C11orf16: variants seen among roughly 807,000 people sequenced by gnomAD.
The protein encoded by C11orf16 is chromosome 11 open reading frame 16.
Under a neutral mutation model 45.1 loss-of-function variants are expected in C11orf16, and 38 were observed. The ratio of observed to expected loss-of-function variants is 0.84; its 90% CI spans 0.65 to 1.10. The LOEUF (loss-of-function observed/expected upper bound fraction) is 1.10. Ranked by LOEUF, C11orf16 falls within the 50% of genes least tolerant of loss-of-function variation. The pLI, the probability that C11orf16 is intolerant of heterozygous loss-of-function variation, is 0.00. For synonymous variants in C11orf16, 221 were observed against 222.0 expected, an observed-to-expected ratio of 1.00 and a Z score of 0.04; for missense variants, 583 against 569.5, an observed-to-expected ratio of 1.02 and a Z score of -0.24.
At chr11:8,922,438 C>A (rs2064581720) in intron 5 of C11orf16, among the ~76,000 whole-genome samples, 1 of 152,080 alleles carries the variant, frequency 6.6e-6, no homozygotes, top group Admixed American at 6.6e-5. Flanking sequence ...GAGGAATAGA[C>A]CAATCTAAAA....
chr11:8,929,585 C>A (rs371435915), intron 2 of C11orf16, 52 bp from the exon 3 acceptor site: 10 of 1,496,424 alleles, frequency 6.7e-6, no homozygotes, highest in Admixed American at 2.1e-5. Flanking sequence ...GCCCTAAACA[C>A]ATCAAGAAAC....
chr11:8,929,499 C>G lies in C11orf16; in HGVS notation c.202G>C (p.Asp68His). Residue 68 changes from aspartate (D) to histidine (H), a missense_variant, in exon 3 of 7, where the codon GAC becomes CAC. Physicochemically the swap from Asp to His is moderately conservative, Grantham distance 81 (BLOSUM62 -1). Coordinates refer to ENST00000326053, the MANE Select transcript of C11orf16 (RefSeq NM_020643.3). ...ASSCPCLHVA[D>H]PAWQGPGWLG... Reference sequence around the variant, plus strand: ...CAGCCAGGCCCCTGCCATGCTGGGTCGGCAACGTGGAGACATGGGCAAGAA... The same window carrying G: ...CAGCCAGGCCCCTGCCATGCTGGGTGGGCAACGTGGAGACATGGGCAAGAA... 9 of 1,613,814 alleles carry G rather than the reference C, an allele frequency of 5.6e-6. No individual in the cohort carries two copies. The highest frequency in any genetic ancestry group is 6.8e-6 in the Non-Finnish European group (8 of 1,179,922).
At chr11:8,929,569 C>A in intron 2 of C11orf16, 36 bp from the exon 3 acceptor site, 1 of 1,580,482 alleles carries the variant, frequency 6.3e-7, no homozygotes, top group Non-Finnish European at 8.6e-7. Flanking sequence ...GGATAGAGAG[C>A]AACAAGCCCT....
At chr11:8,931,676 C>A (rs1015709932) in intron 2 of C11orf16, among the ~76,000 whole-genome samples, 6 of 152,120 alleles carry the variant, frequency 3.9e-5, no homozygotes, top group Non-Finnish European at 5.9e-5. Flanking sequence ...AGGCATGAGC[C>A]ACCATGCCCA....
At chr11:8,921,548 A>C (rs772869130) in intron 5 of C11orf16, 33 bp from the exon 6 acceptor site, 1 of 1,585,720 alleles carries the variant, frequency 6.3e-7, no homozygotes, top group Non-Finnish European at 8.7e-7. Flanking sequence ...TAGGTTGAAT[A>C]TGCCACCATT....
Position 8,925,866 on chromosome 11 carries a change from G to A in C11orf16, c.801C>T (p.Leu267=). The A allele has an allele frequency of 2.5e-6, 4 of 1,614,232 alleles. No individual in the cohort carries two copies. Among genetic ancestry groups the A allele is most frequent in the Non-Finnish European group, 3.4e-6 (4 of 1,180,044 alleles). The change falls in exon 5 of 7, where the codon CTC becomes CTT. Residue 267 remains leucine, a synonymous_variant. Transcript: ENST00000326053. The stretch of plus-strand genomic sequence containing the variant: ...GCTGGCAGCAGGCATGATGGTGGCA[G>A]AGAGGGCACAGGAATGGAGCATCCG... The part of the protein sequence containing the change: ...LPPDAPFLCP[L]CHHHACCQLL...
Position 8,929,383 on chromosome 11 carries a change from A to T in C11orf16, c.318T>A (p.Thr106=). ...GFYYRAQIKA[T]PELERQGVLL... ...ACTGGGGTCAGGGACTTGCCTCGGG[A>T]GTGGCCTTTATTTGGGCCCGGTAGT... Residue 106 remains threonine, a synonymous_variant, in exon 3 of 7, where the codon ACT becomes ACA. Coordinates refer to ENST00000326053, the MANE Select transcript of C11orf16 (RefSeq NM_020643.3). The T allele has an allele frequency of 6.2e-7, 1 of 1,613,836 alleles. No individual in the cohort carries two copies. The highest frequency in any genetic ancestry group is 8.5e-7 in the Non-Finnish European group (1 of 1,179,838).
intron 5 of C11orf16, among the ~76,000 whole-genome samples, chr11:8,922,989 G>T (rs898944932): frequency 6.6e-6 from 1 of 152,194 alleles, no homozygotes; most frequent in African/African-American, 2.4e-5. Context: ...TCAGCCCCAG[G>T]AACTTTCCCT....
chr11:8,931,214 T>A (rs1486967650), intron 2 of C11orf16, among the ~76,000 whole-genome samples: 2 of 152,112 alleles, frequency 1.3e-5, no homozygotes, highest in Non-Finnish European at 2.9e-5. Flanking sequence ...AGTCTCTTTT[T>A]TTTTTTTTTT....
Position 8,925,942 on chromosome 11 carries a change from C to T in C11orf16, c.725G>A (p.Cys242Tyr). ...AGTGATTGGCCCTAGCAGAGAGCAG[C>T]AAGGGGCCCAGTGAAGGGGCCTGGG... ...EHPRPLHWAP[C>Y]CSLLGPITGR... Residue 242 changes from cysteine to tyrosine, a missense_variant, in exon 5 of 7, where the codon TGC becomes TAC. By Grantham distance (194) the Cys-to-Tyr change is radical (BLOSUM62 -2). Coordinates refer to ENST00000326053, the MANE Select transcript of C11orf16 (RefSeq NM_020643.3). 5 of 1,614,184 alleles carry T rather than the reference C, an allele frequency of 3.1e-6. No homozygotes were observed. The highest frequency in any genetic ancestry group is 2.5e-6 in the Non-Finnish European group (3 of 1,180,032).
At chr11:8,922,366 C>G (rs1367176400) in intron 5 of C11orf16, among the ~76,000 whole-genome samples, 1 of 141,470 alleles carries the variant, frequency 7.1e-6, no homozygotes, top group Non-Finnish European at 1.6e-5. Flanking sequence ...TAGTGAGACC[C>G]TGTCTCTAAA....
intron 5 of C11orf16, among the ~76,000 whole-genome samples, chr11:8,923,658 G>T (rs765256731): frequency 6.6e-6 from 1 of 151,964 alleles, no homozygotes; most frequent in African/African-American, 2.4e-5. Context: ...GTCTCGCTGT[G>T]TCGCCCAGGC....
rs538805626 is a variant in C11orf16, at chr11:8,920,189, C to G, written c.*284G>C. Reference sequence around the variant, plus strand: ...ACACATTTGCCCAAAGCAGGCTGACCCCCTCTTCCACGGAAGAGGCATCTT... The same window carrying G: ...ACACATTTGCCCAAAGCAGGCTGACGCCCTCTTCCACGGAAGAGGCATCTT... On this transcript the variant is annotated 3_prime_UTR_variant, in exon 7 of 7. Transcript: ENST00000326053. The G allele has an allele frequency of 2.6e-5, 10 of 377,436 alleles. No homozygotes were observed. Among genetic ancestry groups the G allele is most frequent in the African/African-American group, 2.1e-4 (10 of 48,190 alleles). 23.4% of individuals were successfully genotyped at this position (377,436 alleles called of 1,614,324 possible).
At chr11:8,928,197 C>T (rs774096850) in intron 3 of C11orf16, among the ~76,000 whole-genome samples, 6 of 152,058 alleles carry the variant, frequency 3.9e-5, no homozygotes, top group African/African-American at 7.2e-5. Context: ...TGTGAGCAAC[C>T]GCACCTGGCC....
intron 5 of C11orf16, among the ~76,000 whole-genome samples, chr11:8,922,901 G>C (rs978531621): frequency 1.1e-4 from 16 of 152,158 alleles, no homozygotes; most frequent in Non-Finnish European, 1.0e-4. Flanking sequence ...TGGTGAGGGC[G>C]GGGGATGGCC....
intron 1 of C11orf16, among the ~76,000 whole-genome samples, chr11:8,932,654 C>A (rs2064657391): frequency 6.6e-6 from 1 of 152,174 alleles, no homozygotes. Context: ...ATGGAAAGCA[C>A]CTGGCGTATT....
Position 8,926,992 on chromosome 11 carries a change from C to A in C11orf16, c.507G>T (p.Gln169His). The A allele has an allele frequency of 6.2e-7, 1 of 1,614,118 alleles. No individual in the cohort carries two copies. Among genetic ancestry groups the A allele is most frequent in the Non-Finnish European group, 8.5e-7 (1 of 1,180,030 alleles). The change falls in exon 4 of 7, where the codon CAG (glutamine) becomes CAT (histidine). Residue 169 changes from glutamine to histidine, a missense_variant. Gln to His is a conservative substitution (Grantham distance 24). Transcript: ENST00000326053. ...CCAAAAGAACAGTGCCAGGGCCATA[C>A]TGCTGTTGGCCTGGCTCCCAGAGTG... ...VLALWEPGQQ[Q>H]YGPGTVLLGL...
At chr11:8,930,736 G>A (rs559668173) in intron 2 of C11orf16, among the ~76,000 whole-genome samples, 3 of 152,300 alleles carry the variant, frequency 2.0e-5, no homozygotes, top group Admixed American at 6.5e-5. Flanking sequence ...TGTGGGCAAG[G>A]CTGAATGCAA....
intron 6 of C11orf16, among the ~76,000 whole-genome samples, chr11:8,920,905 C>T (rs2064567682): frequency 2.0e-5 from 3 of 152,134 alleles, no homozygotes; most frequent in Admixed American, 1.3e-4. Flanking sequence ...AGTTTCGTTG[C>T]CTGGTGATTC....
Sources: allele counts gnomAD v4.1 joint callset (sites outside exome capture counted in the v4.1 genomes callset), GRCh38; gene constraint gnomAD v4.1.1; transcripts MANE v1.5; gene names NCBI Gene and HGNC (gene_info 2026-07-23, HGNC 2026-07-21).